The following LRMDA variants were observed in gnomAD, a reference collection of about 807,000 sequenced individuals.
LRMDA encodes the protein leucine rich melanocyte differentiation associated, also known as leucine-rich melanocyte differentiation-associated protein.
LRMDA carries 18 observed loss-of-function variants against 29.8 expected under a neutral mutation model. The ratio of observed to expected loss-of-function variants is 0.60; its 90% CI spans 0.42 to 0.90. The LOEUF is 0.90. Among genes scored for constraint, LRMDA ranks in the 40% least tolerant of loss-of-function variants. The pLI, the probability that LRMDA is intolerant of heterozygous loss-of-function variation, is 0.00. For synonymous variants in LRMDA, 125 were observed against 109.4 expected (o/e 1.14, Z -0.89); for missense variants, 273 against 273.9 (o/e 1.00, Z 0.02).
chr10:76,218,402 T>C lies in LRMDA; in HGVS notation c.517-105999T>C, dbSNP rs530068920. Among the ~76,000 whole-genome samples, 40 of 152,334 alleles carry C rather than the reference T, an allele frequency of 2.6e-4. No individual in the cohort carries two copies. In the South Asian group the frequency reaches 6.0e-3, roughly 23 times the overall value. ...ATTAAAATAAAAACAGCTTGTGGTG[T>C]TCTTTTTGTCCTGTAGCAGTTCTTC... On this transcript the variant is annotated intron_variant, in intron 5 of 6. Coordinates refer to ENST00000611255, the MANE Select transcript of LRMDA (RefSeq NM_001305581.2).
chr10:75,578,786 A>G (rs1471897952), intron 2 of LRMDA, among the ~76,000 whole-genome samples: 4 of 151,716 alleles, frequency 2.6e-5, no homozygotes, highest in African/African-American at 9.7e-5. Context: ...CTCCTGAATG[A>G]CTACTGGGCA....
chr10:75,883,811 T>C (rs147004675), intron 2 of LRMDA, among the ~76,000 whole-genome samples: 12 of 151,510 alleles, frequency 7.9e-5, no homozygotes, highest in African/African-American at 2.9e-4. Flanking sequence ...TAGATGTGTG[T>C]CTTCTGCTTG....
intron 2 of LRMDA, among the ~76,000 whole-genome samples, chr10:75,663,219 C>T (rs1841777382): frequency 6.6e-6 from 1 of 152,152 alleles, no homozygotes; most frequent in Admixed American, 6.5e-5. Context: ...ACCCCTATGT[C>T]TGCCAGCAGC....
At chr10:76,074,092 C>G (rs570491446) in intron 5 of LRMDA, among the ~76,000 whole-genome samples, 1 of 152,278 alleles carries the variant, frequency 6.6e-6, no homozygotes, top group African/African-American at 2.4e-5. Context: ...AGATTACAAG[C>G]TGGCTGATCT....
At chr10:75,736,899 C>CCAGCTATT (rs1842769744) in intron 2 of LRMDA, among the ~76,000 whole-genome samples, 1 of 152,126 alleles carries the variant, frequency 6.6e-6, no homozygotes, top group South Asian at 2.1e-4. Flanking sequence ...ACGCCAACTG[C>CCAGCTATT]CAGCTATTTA....
chr10:75,608,129 T>TATATATATATATATATATACACACAC (rs11271217), intron 2 of LRMDA, among the ~76,000 whole-genome samples: 145 of 89,376 alleles, frequency 1.6e-3, no homozygotes, highest in Non-Finnish European at 3.1e-3. Flanking sequence ...TATATATATA[T>TATATATATATATATATATACACACAC]ACACACACAT....
At chr10:75,692,566 T>C (rs1277632966) in intron 2 of LRMDA, among the ~76,000 whole-genome samples, 6 of 1,874 alleles carry the variant, frequency 3.2e-3, no homozygotes, top group Non-Finnish European at 5.6e-3. Flanking sequence ...TATGTATACG[T>C]GTGTGTGTGT....
chr10:76,301,784 AATGGTTACTG>A (rs1199615074), intron 5 of LRMDA, among the ~76,000 whole-genome samples: 22 of 152,322 alleles, frequency 1.4e-4, no homozygotes, highest in Middle Eastern at 6.8e-3. Flanking sequence ...GGATAATAAA[AATGGTTACTG>A]ATGCCCTCTG....
intron 2 of LRMDA, among the ~76,000 whole-genome samples, chr10:75,808,727 C>G (rs1270582448): frequency 6.6e-6 from 1 of 152,142 alleles, no homozygotes; most frequent in African/African-American, 2.4e-5. Context: ...CCAGGATGGT[C>G]TTGATCTCCT....
At chr10:76,020,288 C>T (rs1847951248) in intron 2 of LRMDA, among the ~76,000 whole-genome samples, 1 of 152,062 alleles carries the variant, frequency 6.6e-6, no homozygotes, top group South Asian at 2.1e-4. Flanking sequence ...TTCAGGAAAA[C>T]ATGTCACATA....
chr10:75,850,025 A>T (rs905814700), intron 2 of LRMDA, among the ~76,000 whole-genome samples: 4 of 152,214 alleles, frequency 2.6e-5, no homozygotes, highest in African/African-American at 9.6e-5. Context: ...CTGGTATCTT[A>T]GACTTTATTT....
At chr10:75,785,606 G>A (rs1843458814) in intron 2 of LRMDA, among the ~76,000 whole-genome samples, 1 of 152,158 alleles carries the variant, frequency 6.6e-6, no homozygotes, top group Admixed American at 6.5e-5. Flanking sequence ...TAGATAAAGC[G>A]TGGCCTGTGT....
intron 2 of LRMDA, among the ~76,000 whole-genome samples, chr10:75,553,605 G>T (rs1170015875): frequency 6.6e-6 from 1 of 152,100 alleles, no homozygotes; most frequent in Non-Finnish European, 1.5e-5. Flanking sequence ...CCTCCTCCAG[G>T]GCAGCAGGCC....
chr10:76,342,081 T>C (rs868630146), intron 6 of LRMDA, among the ~76,000 whole-genome samples: 1 of 152,150 alleles, frequency 6.6e-6, no homozygotes, highest in East Asian at 1.9e-4. Flanking sequence ...CCCGGTAATA[T>C]ACTGACTGGA....
At chr10:76,273,803 A>T (rs1377533695) in intron 5 of LRMDA, among the ~76,000 whole-genome samples, 1 of 152,222 alleles carries the variant, frequency 6.6e-6, no homozygotes, top group Non-Finnish European at 1.5e-5. Context: ...TGAAAAGGGC[A>T]TTAACTAATG....
At chr10:76,117,481 G>C (rs1849686373) in intron 5 of LRMDA, among the ~76,000 whole-genome samples, 3 of 152,186 alleles carry the variant, frequency 2.0e-5, no homozygotes, top group Non-Finnish European at 4.4e-5. Flanking sequence ...CATAGGCTTT[G>C]GGGGATCAAT....
intron 2 of LRMDA, among the ~76,000 whole-genome samples, chr10:75,712,414 C>G (rs1011179875): frequency 8.9e-6 from 1 of 111,790 alleles, no homozygotes; most frequent in Non-Finnish European, 1.7e-5. Flanking sequence ...GATCCGGAAG[C>G]AGGGAGGTGG....
intron 2 of LRMDA, among the ~76,000 whole-genome samples, chr10:75,782,395 C>G (rs527670318): frequency 1.5e-3 from 231 of 152,258 alleles, no homozygotes; most frequent in African/African-American, 3.6e-3. Flanking sequence ...TTTGCTAACT[C>G]TATTTGTCAA....
At chr10:76,514,978 A>G (rs1204294623) in intron 6 of LRMDA, among the ~76,000 whole-genome samples, 1 of 152,186 alleles carries the variant, frequency 6.6e-6, no homozygotes, top group Non-Finnish European at 1.5e-5. Context: ...GATGTGCATA[A>G]ATTATTGTAA....
Sources: gnomAD v4.1 joint callset for allele counts (sites outside exome capture counted in the v4.1 genomes callset) on GRCh38, gnomAD v4.1.1 for gene constraint, MANE v1.5 for transcripts, NCBI Gene and HGNC (gene_info 2026-07-23, HGNC 2026-07-21) for gene names.